DRC3: variants seen among roughly 807,000 people sequenced by gnomAD.
DRC3 encodes dynein regulatory complex subunit 3, also known as leucine rich repeat containing 48.
DRC3 carries 45 observed loss-of-function variants against 57.6 expected under a neutral mutation model. The observed-to-expected ratio is 0.78, with a 90% CI of 0.62 to 1.00. The LOEUF (loss-of-function observed/expected upper bound fraction) is 1.00, where lower values mean the gene tolerates loss of function less well. Among genes scored for constraint, DRC3 ranks in the 50% least tolerant of loss-of-function variants. The pLI is 0.00. For synonymous variants in DRC3, 257 were observed against 272.3 expected, an observed-to-expected ratio of 0.94 and a Z score of 0.55; for missense variants, 655 against 675.2, an observed-to-expected ratio of 0.97 and a Z score of 0.33.
intron 9 of DRC3, among the ~76,000 whole-genome samples, chr17:18,002,933 C>A (rs1321452609): frequency 6.6e-6 from 1 of 152,136 alleles, no homozygotes; most frequent in African/African-American, 2.4e-5. Context: ...ACGAGAAAAG[C>A]ATACAAATTT....
At chr17:17,978,733 G>A (rs946787005) in intron 3 of DRC3, among the ~76,000 whole-genome samples, 4 of 152,298 alleles carry the variant, frequency 2.6e-5, no homozygotes, top group Non-Finnish European at 4.4e-5. Flanking sequence ...CCACAGCCCC[G>A]GGAGGGGTAA....
chr17:17,987,592 C>T (rs901509312), intron 4 of DRC3, among the ~76,000 whole-genome samples: 10 of 152,170 alleles, frequency 6.6e-5, no homozygotes, highest in African/African-American at 1.4e-4. Context: ...GACACTCCAC[C>T]GCTGTCTACC....
At chr17:18,004,936 A>G (rs2043893826) in intron 10 of DRC3, 1 of 161,292 alleles carries the variant, frequency 6.2e-6, no homozygotes, top group Non-Finnish European at 1.4e-5. Flanking sequence ...TCTGAAATTC[A>G]TTAGCAGCCA....
Position 17,995,052 on chromosome 17 carries a change from T to C in DRC3, c.765T>C (p.Ala255=). The C allele has an allele frequency of 2.5e-6, 4 of 1,613,974 alleles. No individual in the cohort carries two copies. Among genetic ancestry groups the C allele is most frequent in the Non-Finnish European group, 3.4e-6 (4 of 1,179,854 alleles). ...NGSFLFDSMY[A]EDSEGNNLSY... The stretch of plus-strand genomic sequence containing the variant: ...CCTTCCTGTTTGACAGCATGTACGC[T>C]GAGGACTCAGAGGGCAACAATCTGT... The change falls in exon 8 of 14, where the codon GCT becomes GCC. Residue 255 remains alanine, a synonymous_variant. Transcript: ENST00000399187.
intron 12 of DRC3, chr17:18,010,652 T>A (rs574041156): frequency 1.2e-5 from 2 of 169,068 alleles, no homozygotes; most frequent in South Asian, 2.8e-4. Flanking sequence ...AAATGGTAGA[T>A]GACACTATGG....
chr17:18,016,509 T>C (rs777800050), intron 13 of DRC3, 49 bp from the exon 14 acceptor site: 2 of 1,323,576 alleles, frequency 1.5e-6, no homozygotes, highest in Non-Finnish European at 1.1e-6. Context: ...GTGAAAGATA[T>C]TAACCAATGA....
chr17:17,989,338 G>A (rs556576660), intron 5 of DRC3, among the ~76,000 whole-genome samples: 47 of 152,170 alleles, frequency 3.1e-4, no homozygotes, highest in Non-Finnish European at 3.1e-4. Context: ...AGTCAGTCAG[G>A]ATGGCCAGAG....
At chr17:18,007,556 T>A in intron 12 of DRC3, 10 of 1,513,970 alleles carry the variant, frequency 6.6e-6, no homozygotes, top group Non-Finnish European at 8.9e-6. Flanking sequence ...CCATTTCTGA[T>A]CCTGCACAAT....
In DRC3 at chr17:17,979,986, A is replaced by G. The variant is rs770310557; in HGVS notation, c.160+2228A>G. 4.0e-5 allele frequency among the ~76,000 whole-genome samples: 6 copies of G among 151,098 alleles called. No individual in the cohort carries two copies. In the East Asian group the frequency reaches 7.8e-4, roughly 20 times the overall value. On this transcript the variant is annotated intron_variant, in intron 3 of 13. Transcript: ENST00000399187. ...GCCCTGGGAACCCAGGATAGGTGCA[A>G]GGCAGCAATCCAGCTCTAAGGGAAG...
At chr17:17,988,842 G>A (rs1357741170) in intron 5 of DRC3, among the ~76,000 whole-genome samples, 5 of 152,162 alleles carry the variant, frequency 3.3e-5, no homozygotes, top group Non-Finnish European at 7.4e-5. Context: ...AGTCTGTCCA[G>A]CAGGACCAAA....
At chr17:17,981,240 GC>G in intron 3 of DRC3, 1 of 269,960 alleles carries the variant, frequency 3.7e-6, no homozygotes, top group Non-Finnish European at 8.2e-6. Flanking sequence ...AGGAAAAACA[GC>G]AGATGAACCC....
In DRC3 at chr17:17,997,490, G is replaced by T. The variant is rs1442107369; in HGVS notation, c.855G>T (p.Val285=). The T allele has an allele frequency of 4.3e-6, 7 of 1,613,204 alleles. No homozygotes were observed. Among genetic ancestry groups the T allele is most frequent in the Non-Finnish European group, 5.9e-6 (7 of 1,179,650 alleles). The change falls in exon 9 of 14, where the codon GTG becomes GTT. Residue 285 remains valine, a synonymous_variant. Coordinates refer to ENST00000399187, the MANE Select transcript of DRC3 (RefSeq NM_031294.4). The part of the protein sequence containing the change: ...TYKDKFVIIC[V]NIFEYGLKQQ... ...AGGACAAGTTTGTCATCATCTGCGTGAATATTTTTGAGTATGGCCTGAAAC... is the reference window on the plus strand; with the variant it reads ...AGGACAAGTTTGTCATCATCTGCGTTAATATTTTTGAGTATGGCCTGAAAC...
intron 5 of DRC3, among the ~76,000 whole-genome samples, chr17:17,991,070 C>A (rs1433617720): frequency 1.3e-5 from 2 of 152,182 alleles, no homozygotes; most frequent in East Asian, 3.8e-4. Flanking sequence ...AGGGCAGGGA[C>A]CCCACAGGCC....
intron 7 of DRC3, 63 bp downstream of exon 7, chr17:17,994,481 A>G (rs1332816708): frequency 2.0e-6 from 3 of 1,534,200 alleles, no homozygotes; most frequent in Non-Finnish European, 2.6e-6. Flanking sequence ...GGCACTGATC[A>G]AGTAAAACGG....
At chr17:18,012,034 G>C (rs1309128591) in intron 12 of DRC3, among the ~76,000 whole-genome samples, 1 of 152,088 alleles carries the variant, frequency 6.6e-6, no homozygotes, top group Admixed American at 6.6e-5. Flanking sequence ...AATGTTGGCC[G>C]GCCAGGCTGG....
At chr17:18,002,984 C>A (rs1597623288) in intron 9 of DRC3, among the ~76,000 whole-genome samples, 1 of 152,056 alleles carries the variant, frequency 6.6e-6, no homozygotes, top group Non-Finnish European at 1.5e-5. Context: ...CATTCACAAG[C>A]AAAATGAAGG....
intron 8 of DRC3, among the ~76,000 whole-genome samples, chr17:17,996,438 C>T (rs2043461327): frequency 6.6e-6 from 1 of 152,206 alleles, no homozygotes; most frequent in South Asian, 2.1e-4. Context: ...AAAGCCTGTG[C>T]AGGGAAACTC....
chr17:17,976,906 TCCCC>T (rs545271260), intron 2 of DRC3, among the ~76,000 whole-genome samples: 158 of 152,028 alleles, frequency 1.0e-3, no homozygotes, highest in Non-Finnish European at 1.7e-3. Flanking sequence ...ATCTGCCTCC[TCCCC>T]CTCTTGCTCT....
intron 12 of DRC3, chr17:18,007,735 A>G (rs1378110791): frequency 1.7e-6 from 2 of 1,203,178 alleles, no homozygotes; most frequent in Admixed American, 7.9e-5. Context: ...GAGTGTGGGC[A>G]TCAAGGGCCC....
Sources: gnomAD v4.1 joint callset for allele counts (sites outside exome capture counted in the v4.1 genomes callset) on GRCh38, gnomAD v4.1.1 for gene constraint, MANE v1.5 for transcripts, NCBI Gene and HGNC (gene_info 2026-07-23, HGNC 2026-07-21) for gene names.